Variants in HBS1L observed in about 807,000 individuals in gnomAD.
The protein encoded by HBS1L is HBS1 like translational GTPase, also known as HBS1-like protein.
In HBS1L, 55 loss-of-function variants were observed where a neutral mutation model predicts 88.9. The observed-to-expected ratio is 0.62, with a 90% confidence interval of 0.50 to 0.77. The LOEUF is 0.77. Ranked by LOEUF, HBS1L falls within the 30% of genes least tolerant of loss-of-function variation. The probability of loss-of-function intolerance (pLI) is 0.00; values close to 1 mark genes in which losing one functional copy is unlikely to be tolerated. For synonymous variants in HBS1L, 267 were observed against 288.5 expected, an observed-to-expected ratio of 0.93 and a Z score of 0.76; for missense variants, 741 against 829.3, an observed-to-expected ratio of 0.89 and a Z score of 1.31.
chr6:135,006,317 G>A (rs35485255), intron 4 of HBS1L, among the ~76,000 whole-genome samples: 5,786 of 152,280 alleles, frequency 0.038, 176 homozygotes, highest in Non-Finnish European at 0.06. Context: ...TAAAGCTCAC[G>A]GGAAATAAGG....
chr6:135,050,606 C>T lies in HBS1L; in HGVS notation c.85G>A (p.Asp29Asn). 1.3e-6 allele frequency: 2 copies of T among 1,596,168 alleles called. No individual in the cohort carries two copies. Among genetic ancestry groups the T allele is most frequent in the Non-Finnish European group, 1.7e-6 (2 of 1,169,938 alleles). ...CCTGTTGACGGCGAAATACAATAATCATCCTCTACAGACTGGCCGTAGAGA... is the reference window on the plus strand; with the variant it reads ...CCTGTTGACGGCGAAATACAATAATTATCCTCTACAGACTGGCCGTAGAGA... ...DDLYGQSVED[D>N]YCISPSTAAQ... The change falls in exon 2 of 18, where the codon GAT becomes AAT. Residue 29 changes from aspartate (D) to asparagine (N), a missense_variant. Asp to Asn is a conservative substitution (Grantham distance 23). Coordinates refer to ENST00000367837, the MANE Select transcript of HBS1L (RefSeq NM_006620.4).
At chr6:135,027,304 G>A (rs987715784) in intron 4 of HBS1L, 2 of 149,462 alleles carry the variant, frequency 1.3e-5, no homozygotes, top group African/African-American at 4.9e-5. Flanking sequence ...TGAAACTACA[G>A]AGAACTACAC....
At chr6:135,054,267 G>A (rs1190350524) in intron 1 of HBS1L, among the ~76,000 whole-genome samples, 7 of 152,252 alleles carry the variant, frequency 4.6e-5, no homozygotes, top group Non-Finnish European at 8.8e-5. Flanking sequence ...ACGTTTCATG[G>A]ACATTTCTCA....
chr6:134,985,626 T>C (rs972375039), intron 11 of HBS1L, among the ~76,000 whole-genome samples: 2 of 152,078 alleles, frequency 1.3e-5, no homozygotes, highest in South Asian at 2.1e-4. Context: ...TGAGCACTGA[T>C]ATAATGCTCA....
intron 5 of HBS1L, among the ~76,000 whole-genome samples, chr6:134,998,427 A>G (rs1489488190): frequency 6.9e-6 from 1 of 145,184 alleles, no homozygotes; most frequent in African/African-American, 2.5e-5. Flanking sequence ...TGCAACTCTG[A>G]ATAGCTATAA....
At chr6:135,010,212 G>A (rs868265588) in intron 4 of HBS1L, among the ~76,000 whole-genome samples, 4 of 151,896 alleles carry the variant, frequency 2.6e-5, no homozygotes, top group Non-Finnish European at 5.9e-5. Flanking sequence ...TCCAAGGCTC[G>A]GCCACCAGAC....
chr6:134,967,521 AC>A (rs1436767767), intron 16 of HBS1L, among the ~76,000 whole-genome samples: 2 of 152,228 alleles, frequency 1.3e-5, no homozygotes, highest in Admixed American at 6.5e-5. Flanking sequence ...GAAAGGCCAA[AC>A]GGTTGTGCAA....
At chr6:134,989,191 G>C (rs937473334) in intron 8 of HBS1L, among the ~76,000 whole-genome samples, 1 of 152,194 alleles carries the variant, frequency 6.6e-6, no homozygotes, top group Admixed American at 6.5e-5. Flanking sequence ...TGCAACCATA[G>C]AAGTTCTTCC....
At chr6:135,051,433 T>G (rs1777080309) in intron 1 of HBS1L, among the ~76,000 whole-genome samples, 3 of 152,102 alleles carry the variant, frequency 2.0e-5, no homozygotes, top group African/African-American at 7.2e-5. Flanking sequence ...TACCCTAAAC[T>G]CCCTATGCCC....
Position 134,982,447 on chromosome 6 carries a change from C to A in HBS1L, c.1597+11G>T. The A allele has an allele frequency of 6.5e-7, 1 of 1,535,002 alleles. No homozygotes were observed. Among genetic ancestry groups the A allele is most frequent in the Non-Finnish European group, 9.0e-7 (1 of 1,110,290 alleles). On this transcript the variant is annotated intron_variant, in intron 13 of 17. Coordinates refer to ENST00000367837, the MANE Select transcript of HBS1L (RefSeq NM_006620.4). ...AGGCTTGTTTAGCAAAAGCATCTTG[C>A]AGATAAATACCTTTCACGGTACAAG...
At chr6:134,989,717 C>T (rs1055653805) in intron 8 of HBS1L, among the ~76,000 whole-genome samples, 3 of 152,182 alleles carry the variant, frequency 2.0e-5, no homozygotes, top group Non-Finnish European at 4.4e-5. Context: ...TACCTAAATA[C>T]TCCTGCTTTG....
chr6:135,029,063 G>A (rs1776315346), intron 4 of HBS1L, among the ~76,000 whole-genome samples: 2 of 152,030 alleles, frequency 1.3e-5, no homozygotes, highest in South Asian at 4.1e-4. Context: ...AAAGATGGTG[G>A]AGAAATGGGA....
intron 4 of HBS1L, among the ~76,000 whole-genome samples, chr6:135,038,631 C>T (rs1299025735): frequency 6.6e-6 from 1 of 152,174 alleles, no homozygotes; most frequent in African/African-American, 2.4e-5. Context: ...GAGGTTACAA[C>T]AAACACTGAC....
intron 9 of HBS1L, among the ~76,000 whole-genome samples, chr6:134,987,043 T>A (rs1303278276): frequency 6.6e-6 from 1 of 152,122 alleles, no homozygotes; most frequent in African/African-American, 2.4e-5. Context: ...TACATTCCCT[T>A]ACGCCCAGAA....
At chr6:134,991,925 AGGCATGGT>A (rs1380004442) in intron 8 of HBS1L, among the ~76,000 whole-genome samples, 1 of 152,120 alleles carries the variant, frequency 6.6e-6, no homozygotes, top group African/African-American at 2.4e-5. Context: ...AAAATTAGCC[AGGCATGGT>A]GGCACATGCC....
At chr6:135,054,349 G>A (rs541913636) in intron 1 of HBS1L, among the ~76,000 whole-genome samples, 43 of 152,344 alleles carry the variant, frequency 2.8e-4, no homozygotes, top group African/African-American at 9.9e-4. Flanking sequence ...AATGGAAGAG[G>A]TGATAATGCT....
intron 5 of HBS1L, among the ~76,000 whole-genome samples, chr6:135,001,096 A>AT (rs1474694635): frequency 2.0e-5 from 3 of 152,100 alleles, no homozygotes; most frequent in South Asian, 2.1e-4. Flanking sequence ...TCATGGGTGG[A>AT]TTTTTTACCT....
At chr6:135,011,739 T>C (rs1299684209) in intron 4 of HBS1L, among the ~76,000 whole-genome samples, 1 of 151,772 alleles carries the variant, frequency 6.6e-6, no homozygotes, top group Non-Finnish European at 1.5e-5. Flanking sequence ...ACCCCATCTC[T>C]TCTAAAAAAT....
At chr6:134,999,302 C>A in intron 5 of HBS1L, among the ~76,000 whole-genome samples, 1 of 152,146 alleles carries the variant, frequency 6.6e-6, no homozygotes. Flanking sequence ...CCAATCCAGG[C>A]AGCCCTCAGA....
Sources: allele counts gnomAD v4.1 joint callset (sites outside exome capture counted in the v4.1 genomes callset), GRCh38; gene constraint gnomAD v4.1.1; transcripts MANE v1.5; gene names NCBI Gene and HGNC (gene_info 2026-07-23, HGNC 2026-07-21).